The following ADAM22 variants were observed in gnomAD, a reference collection of about 807,000 sequenced individuals.
The protein encoded by ADAM22 is disintegrin and metalloproteinase domain-containing protein 22.
A neutral mutation model predicts 144.6 loss-of-function variants in ADAM22; 65 were observed. The observed-to-expected ratio is 0.45, with a 90% confidence interval of 0.37 to 0.55. ADAM22 has a LOEUF of 0.55. Ranked by LOEUF, ADAM22 falls within the 20% of genes least tolerant of loss-of-function variation. ADAM22 has a pLI of 0.00. For synonymous variants in ADAM22, 391 were observed against 412.6 expected (o/e 0.95, Z 0.63); for missense variants, 974 against 1,184.9 (o/e 0.82, Z 2.61).
intron 4 of ADAM22, among the ~76,000 whole-genome samples, chr7:88,095,292 C>G (rs2282956): frequency 2.6e-5 from 4 of 151,940 alleles, no homozygotes; most frequent in Non-Finnish European, 5.9e-5. Context: ...GGAACTTGTA[C>G]TATATTCTCA....
At chr7:88,165,981 T>C (rs371417380) in intron 24 of ADAM22, 35 bp downstream of exon 24, 2 of 1,488,314 alleles carry the variant, frequency 1.3e-6, no homozygotes, top group African/African-American at 1.4e-5. Context: ...ATGTAGTCTT[T>C]ATACACAAAG....
chr7:88,153,009 C>T (rs536186933), intron 20 of ADAM22, among the ~76,000 whole-genome samples: 1 of 152,192 alleles, frequency 6.6e-6, no homozygotes, highest in East Asian at 1.9e-4. Flanking sequence ...CATTTGTTTA[C>T]TAAATTTCAA....
intron 2 of ADAM22, among the ~76,000 whole-genome samples, chr7:87,968,080 G>A (rs61011962): frequency 0.023 from 3,515 of 152,228 alleles, 140 homozygotes; most frequent in African/African-American, 0.08. Flanking sequence ...CAGGAATTTA[G>A]TAAGTAAATA....
chr7:88,144,383 A>T (rs1835710324), intron 15 of ADAM22, among the ~76,000 whole-genome samples: 1 of 152,190 alleles, frequency 6.6e-6, no homozygotes, highest in African/African-American at 2.4e-5. Context: ...TGAAGAGCTA[A>T]ACAATAAAAC....
chr7:87,977,077 T>C (rs999794077), intron 2 of ADAM22, among the ~76,000 whole-genome samples: 1 of 152,140 alleles, frequency 6.6e-6, no homozygotes, highest in East Asian at 1.9e-4. Context: ...TATAGTTGAA[T>C]GGTTCATGAG....
intron 2 of ADAM22, among the ~76,000 whole-genome samples, chr7:87,936,721 A>T (rs1357189909): frequency 6.6e-6 from 1 of 152,100 alleles, no homozygotes; most frequent in Non-Finnish European, 1.5e-5. Flanking sequence ...CAACCATGTT[A>T]CTGTATTTTC....
At chr7:87,970,918 T>G (rs1457796480) in intron 2 of ADAM22, among the ~76,000 whole-genome samples, 2 of 152,234 alleles carry the variant, frequency 1.3e-5, no homozygotes, top group African/African-American at 4.8e-5. Flanking sequence ...AGAGTTATTT[T>G]ATATTTTTGC....
chr7:88,168,384 C>T (rs770120731), intron 25 of ADAM22, 157 bp downstream of exon 25: 16 of 732,844 alleles, frequency 2.2e-5, no homozygotes, highest in East Asian at 8.1e-5. Context: ...CTTGGCATGG[C>T]GAGAAGTGAT....
At chr7:87,947,759 A>C (rs1035347740) in intron 2 of ADAM22, among the ~76,000 whole-genome samples, 4 of 152,208 alleles carry the variant, frequency 2.6e-5, no homozygotes. Flanking sequence ...TCTGATTATG[A>C]AATGATGAAC....
intron 4 of ADAM22, among the ~76,000 whole-genome samples, chr7:88,100,524 C>T (rs1053578742): frequency 7.2e-5 from 11 of 152,118 alleles, no homozygotes; most frequent in African/African-American, 2.2e-4. Context: ...TAGCCTATGT[C>T]CTTTTTGTGA....
chr7:87,994,169 T>G (rs1444376863), intron 3 of ADAM22, among the ~76,000 whole-genome samples: 1 of 151,728 alleles, frequency 6.6e-6, no homozygotes, highest in Non-Finnish European at 1.5e-5. Flanking sequence ...TCATTCCTTT[T>G]TTTTTTTTTT....
At chr7:88,047,839 A>C (rs1805078348) in intron 3 of ADAM22, among the ~76,000 whole-genome samples, 1 of 152,160 alleles carries the variant, frequency 6.6e-6, no homozygotes. Flanking sequence ...ATTTATAAGT[A>C]AATGGATCAA....
intron 3 of ADAM22, among the ~76,000 whole-genome samples, chr7:88,073,525 A>C (rs1292324624): frequency 6.6e-6 from 1 of 152,252 alleles, no homozygotes; most frequent in Non-Finnish European, 1.5e-5. Flanking sequence ...AAGTATGCTT[A>C]GGTGAGCTAT....
chr7:87,987,047 C>A (rs2129450752), intron 3 of ADAM22, among the ~76,000 whole-genome samples: 1 of 152,196 alleles, frequency 6.6e-6, no homozygotes, highest in African/African-American at 2.4e-5. Flanking sequence ...AACAATGAAA[C>A]CTTTAATGTA....
At chr7:87,952,141 T>C (rs1460615053) in intron 2 of ADAM22, among the ~76,000 whole-genome samples, 17 of 151,976 alleles carry the variant, frequency 1.1e-4, no homozygotes, top group Non-Finnish European at 1.9e-4. Flanking sequence ...ATTTCCTTCT[T>C]CTGCCTAATT....
intron 2 of ADAM22, among the ~76,000 whole-genome samples, chr7:87,965,561 G>A (rs971763439): frequency 2.0e-5 from 3 of 152,086 alleles, no homozygotes; most frequent in African/African-American, 7.2e-5. Flanking sequence ...GAATTTATTT[G>A]TGCTAGCTAT....
intron 3 of ADAM22, among the ~76,000 whole-genome samples, chr7:88,038,013 G>C: frequency 6.6e-6 from 1 of 152,130 alleles, no homozygotes; most frequent in Non-Finnish European, 1.5e-5. Flanking sequence ...ATATATCTCA[G>C]CCAGCATAGA....
At chr7:88,048,273 G>C (rs1293652646) in intron 3 of ADAM22, among the ~76,000 whole-genome samples, 2 of 152,064 alleles carry the variant, frequency 1.3e-5, no homozygotes, top group Non-Finnish European at 2.9e-5. Context: ...ACTTCTTAGT[G>C]GATAGTTAGA....
chr7:87,986,054 C>T (rs983299488), intron 3 of ADAM22, among the ~76,000 whole-genome samples: 2 of 152,044 alleles, frequency 1.3e-5, no homozygotes, highest in Admixed American at 6.6e-5. Context: ...CTCATGGCTA[C>T]GATCTTATGT....
Sources: gnomAD v4.1 joint callset for allele counts (sites outside exome capture counted in the v4.1 genomes callset) on GRCh38, gnomAD v4.1.1 for gene constraint, MANE v1.5 for transcripts, NCBI Gene and HGNC (gene_info 2026-07-23, HGNC 2026-07-21) for gene names.